Variants in TENM3 observed in about 807,000 individuals in gnomAD.
TENM3 encodes teneurin transmembrane protein 3, also known as teneurin-3.
In TENM3, 63 loss-of-function variants were observed where a neutral mutation model predicts 255.1. That is an observed-to-expected ratio of 0.25 (90% confidence interval 0.20 to 0.30). The LOEUF is 0.30. Ranked by LOEUF, TENM3 falls within the 10% of genes least tolerant of loss-of-function variation. TENM3 has a pLI of 1.00. For missense variants in TENM3, 2,929 were observed against 3,461.1 expected (o/e 0.85, Z 3.86); for synonymous variants, 1,306 against 1,322.3 (o/e 0.99, Z 0.27).
intron 1 of TENM3, among the ~76,000 whole-genome samples, chr4:182,275,553 G>C (rs567211397): frequency 6.6e-6 from 1 of 152,184 alleles, no homozygotes; most frequent in East Asian, 1.9e-4. Context: ...CCTTGTTTTC[G>C]TGAAACTTTG....
chr4:181,564,007 T>A, the TENM3 span, among the ~76,000 whole-genome samples: 1 of 67,054 alleles, frequency 1.5e-5, no homozygotes, highest in Non-Finnish European at 3.3e-5. Flanking sequence ...ATGAAAATGA[T>A]GTTTTCTTTT....
chr4:181,567,903 T>C, the TENM3 span, among the ~76,000 whole-genome samples: 1 of 152,170 alleles, frequency 6.6e-6, no homozygotes, highest in African/African-American at 2.4e-5. Flanking sequence ...GTGGAGCTCA[T>C]ATCTTCATCT....
intron 11 of TENM3, among the ~76,000 whole-genome samples, chr4:182,682,630 GCTTT>G (rs1368855600): frequency 2.0e-5 from 3 of 152,106 alleles, no homozygotes; most frequent in African/African-American, 7.2e-5. Context: ...TAGAACAATG[GCTTT>G]CTAATTTTTT....
chr4:182,633,757 C>T (rs1648878800), intron 5 of TENM3, among the ~76,000 whole-genome samples: 1 of 152,190 alleles, frequency 6.6e-6, no homozygotes, highest in Admixed American at 6.5e-5. Flanking sequence ...CGCCTGAAGG[C>T]ACACACACAA....
chr4:181,486,512 C>T, the TENM3 span, among the ~76,000 whole-genome samples: 3 of 152,172 alleles, frequency 2.0e-5, no homozygotes, highest in Non-Finnish European at 4.4e-5. Context: ...AAAAGGAGGT[C>T]ATTAGCTTGC....
chr4:181,845,790 T>G, the TENM3 span, among the ~76,000 whole-genome samples: 2 of 152,218 alleles, frequency 1.3e-5, no homozygotes, highest in African/African-American at 2.4e-5. Flanking sequence ...CCTGAATTTC[T>G]GCAAAGACAT....
the TENM3 span, among the ~76,000 whole-genome samples, chr4:181,570,903 G>A: frequency 5.3e-5 from 8 of 152,324 alleles, no homozygotes; most frequent in Admixed American, 5.2e-4. Flanking sequence ...CCTGTGAAAT[G>A]GGGGAAGGCA....
chr4:181,898,652 T>A, the TENM3 span, among the ~76,000 whole-genome samples: 1 of 152,208 alleles, frequency 6.6e-6, no homozygotes, highest in South Asian at 2.1e-4. Context: ...AAGGTTTTCA[T>A]ATAACCCATT....
chr4:181,635,477 C>T, the TENM3 span, among the ~76,000 whole-genome samples: 1 of 152,200 alleles, frequency 6.6e-6, no homozygotes, highest in Non-Finnish European at 1.5e-5. Context: ...CGCTGCAGTT[C>T]AGCTGAGATG....
chr4:182,533,919 AG>A (rs547769373), intron 3 of TENM3, among the ~76,000 whole-genome samples: 43 of 152,012 alleles, frequency 2.8e-4, no homozygotes, highest in Non-Finnish European at 5.4e-4. Flanking sequence ...CAAAAAAAAA[AG>A]ATTGTCTTTT....
the TENM3 span, among the ~76,000 whole-genome samples, chr4:182,104,586 A>G: frequency 1.5e-5 from 2 of 137,410 alleles, no homozygotes; most frequent in African/African-American, 5.6e-5. Context: ...AACTTGGGTC[A>G]CTATAACTTC....
At chr4:181,526,003 G>T in the TENM3 span, among the ~76,000 whole-genome samples, 1 of 152,296 alleles carries the variant, frequency 6.6e-6, no homozygotes, top group Non-Finnish European at 1.5e-5. Flanking sequence ...TTTGAGAGAA[G>T]CACGTTTTCT....
chr4:182,552,098 G>C (rs11724962), intron 3 of TENM3, among the ~76,000 whole-genome samples: 17,138 of 151,660 alleles, frequency 0.11, 1,135 homozygotes, highest in Middle Eastern at 0.16. Context: ...CTTGGGGCCT[G>C]GCAGCAACTT....
chr4:182,434,479 A>G (rs1233533445), intron 3 of TENM3, among the ~76,000 whole-genome samples: 2 of 152,136 alleles, frequency 1.3e-5, no homozygotes, highest in Non-Finnish European at 2.9e-5. Flanking sequence ...CCTGGCCAAC[A>G]TGGTGAAACA....
chr4:182,800,659 G>A lies in TENM3; in HGVS notation c.*308G>A, dbSNP rs1309529373. ...GCGCTGGGCCGTCTGTTCCTTCTAG[G>A]CACTGTATTTAACTAACTTTAAAAA... is the stretch of plus-strand genomic sequence containing the variant. On this transcript the variant is annotated 3_prime_UTR_variant, in exon 28 of 28. Transcript: ENST00000511685. 4 of 268,534 alleles carry A rather than the reference G, an allele frequency of 1.5e-5. No individual in the cohort carries two copies. The highest frequency in any genetic ancestry group is 2.8e-5 in the Non-Finnish European group (4 of 141,662). The allele number at this position is 268,534 out of a possible 1,614,324, so 16.6% of individuals were successfully genotyped here.
At chr4:182,302,346 A>G (rs1012970926) in intron 1 of TENM3, among the ~76,000 whole-genome samples, 7 of 152,132 alleles carry the variant, frequency 4.6e-5, no homozygotes, top group African/African-American at 1.7e-4. Flanking sequence ...TGTGATCTGG[A>G]CAGAAAGCTG....
intron 3 of TENM3, among the ~76,000 whole-genome samples, chr4:182,574,537 T>C (rs1744728823): frequency 6.6e-6 from 1 of 152,174 alleles, no homozygotes; most frequent in Admixed American, 6.5e-5. Flanking sequence ...GAGCATTTCA[T>C]TGAGCCATTT....
intron 1 of TENM3, among the ~76,000 whole-genome samples, chr4:182,265,983 T>C (rs187729129): frequency 3.3e-5 from 5 of 152,332 alleles, no homozygotes; most frequent in Admixed American, 3.3e-4. Context: ...CTTTTAAAAA[T>C]TGTTCAATTG....
the TENM3 span, among the ~76,000 whole-genome samples, chr4:181,913,447 G>C: frequency 6.6e-6 from 1 of 152,290 alleles, no homozygotes; most frequent in Admixed American, 6.5e-5. Context: ...CCGGACAAGG[G>C]AGGGGAAGGG....
Sources: allele counts gnomAD v4.1 joint callset (sites outside exome capture counted in the v4.1 genomes callset), GRCh38; gene constraint gnomAD v4.1.1; transcripts MANE v1.5; gene names NCBI Gene and HGNC (gene_info 2026-07-23, HGNC 2026-07-21).